LRRK2: variants seen among roughly 807,000 people sequenced by gnomAD.
LRRK2 encodes the protein leucine-rich repeat serine/threonine-protein kinase 2.
LRRK2 carries 203 observed loss-of-function variants against 302.6 expected under a neutral mutation model. The observed-to-expected ratio is 0.67, with a 90% CI of 0.60 to 0.75. The LOEUF (loss-of-function observed/expected upper bound fraction) is 0.75, where lower values mean the gene tolerates loss of function less well. Among genes scored for constraint, LRRK2 ranks in the 30% least tolerant of loss-of-function variants. LRRK2 has a pLI of 0.00. For missense variants in LRRK2, 2,830 were observed against 2,951.0 expected, an observed-to-expected ratio of 0.96 and a Z score of 0.95; for synonymous variants, 1,066 against 1,031.9, an observed-to-expected ratio of 1.03 and a Z score of -0.63.
At chr12:40,301,300 T>C (rs1592253341) in intron 25 of LRRK2, among the ~76,000 whole-genome samples, 2 of 152,258 alleles carry the variant, frequency 1.3e-5, no homozygotes, top group South Asian at 4.1e-4. Flanking sequence ...GGCGTGTGAC[T>C]ATAATCCCAG....
At chr12:40,288,791 CT>C (rs1346316815) in intron 20 of LRRK2, among the ~76,000 whole-genome samples, 1 of 151,680 alleles carries the variant, frequency 6.6e-6, no homozygotes, top group African/African-American at 2.4e-5. Flanking sequence ...TATAAGAGTT[CT>C]TTGTATATTC....
chr12:40,359,531 T>C, intron 47 of LRRK2, 87 bp downstream of exon 47: 6 of 1,055,978 alleles, frequency 5.7e-6, no homozygotes, highest in South Asian at 3.0e-5. Flanking sequence ...TGATAATTCA[T>C]AAGGAAGATC....
At chr12:40,328,564 C>T in intron 39 of LRRK2, 104 bp downstream of exon 39, 1 of 850,412 alleles carries the variant, frequency 1.2e-6, no homozygotes, top group Non-Finnish European at 1.8e-6. Context: ...GACCACATTT[C>T]TACTTAAGTT....
At chr12:40,343,462 A>T (rs1043356824) in intron 41 of LRRK2, among the ~76,000 whole-genome samples, 3 of 152,230 alleles carry the variant, frequency 2.0e-5, no homozygotes, top group Non-Finnish European at 4.4e-5. Context: ...TGAATATCTG[A>T]TGGAGATTAT....
chr12:40,328,279 A>G lies in LRRK2; in HGVS notation c.5657-81A>G, dbSNP rs112543959. 1,531 of 1,064,866 alleles carry G rather than the reference A, an allele frequency of 1.4e-3. 23 individuals carry two copies. The African/African-American group carries it at 0.022, about 15-fold the overall frequency. 66.0% of individuals were successfully genotyped at this position (1,064,866 alleles called of 1,614,324 possible). ...GTTTCTATTCAAATTTACAACAGATATAATTACAACAGATATAATTTATTT... is the reference window on the plus strand; with the variant it reads ...GTTTCTATTCAAATTTACAACAGATGTAATTACAACAGATATAATTTATTT... On this transcript the variant is annotated intron_variant, in intron 38 of 50. Transcript: ENST00000298910.
chr12:40,294,928 T>C lies in LRRK2; in HGVS notation c.2878+14T>C, dbSNP rs1944322347. The C allele has an allele frequency of 2.8e-6, 4 of 1,434,776 alleles. No individual in the cohort carries two copies. Among genetic ancestry groups the C allele is most frequent in the Non-Finnish European group, 3.9e-6 (4 of 1,023,120 alleles). The allele number at this position is 1,434,776 out of a possible 1,614,324, so 88.9% of individuals were successfully genotyped here. A position where few individuals can be genotyped will look rare whatever the true frequency, so the allele number is the denominator to read the frequency against. ...ATGATTCACTCAGTAAGTATTTGGA[T>C]GTAATCATAAGTAAATAGATATTTT... On this transcript the variant is annotated intron_variant, in intron 22 of 50. Coordinates refer to ENST00000298910, the MANE Select transcript of LRRK2 (RefSeq NM_198578.4).
rs764853215 is a variant in LRRK2 at position 40,354,381 on chromosome 12, A to G, written c.6659A>G (p.Gln2220Arg). The G allele has an allele frequency of 1.2e-6, 2 of 1,614,136 alleles. No homozygotes were observed. Among genetic ancestry groups the G allele is most frequent in the South Asian group, 2.2e-5 (2 of 91,084 alleles). Reference sequence around the variant, plus strand: ...GAAAGCTGGATTGTGTCTGGGACACAGTCTGGTACTCTCCTGGTCATCAAT... The same window carrying G: ...GAAAGCTGGATTGTGTCTGGGACACGGTCTGGTACTCTCCTGGTCATCAAT... ...EKESWIVSGT[Q>R]SGTLLVINTE... The change falls in exon 45 of 51, where the codon CAG becomes CGG. Residue 2220 changes from glutamine to arginine, a missense_variant. By Grantham distance (43) the Gln-to-Arg change is conservative. This residue lies in a region of LRRK2 where 456 missense variants were observed against 456.3 expected (regional missense o/e 1.00). Transcript: ENST00000298910.
At chr12:40,235,936 A>G (rs575045385) in intron 4 of LRRK2, among the ~76,000 whole-genome samples, 8 of 151,580 alleles carry the variant, frequency 5.3e-5, no homozygotes, top group Admixed American at 3.9e-4. Flanking sequence ...TTCTGTTTCC[A>G]TCTCTTCTCC....
chr12:40,323,918 C>T (rs1191450981), intron 38 of LRRK2, among the ~76,000 whole-genome samples: 1 of 151,496 alleles, frequency 6.6e-6, no homozygotes, highest in Non-Finnish European at 1.5e-5. Flanking sequence ...TTTAGGTGCT[C>T]ATTGAGAAAA....
chr12:40,299,037 T>G, intron 24 of LRRK2, 72 bp from the exon 25 acceptor site: 1 of 1,501,006 alleles, frequency 6.7e-7, no homozygotes, highest in Non-Finnish European at 9.2e-7. Flanking sequence ...GAAAGCAAAT[T>G]GTTTTTGATA....
chr12:40,354,429 A>G lies in LRRK2; in HGVS notation c.6707A>G (p.His2236Arg), dbSNP rs1406631615. The G allele has an allele frequency of 1.6e-5, 26 of 1,614,182 alleles. No homozygotes were observed. The highest frequency in any genetic ancestry group is 2.2e-5 in the Non-Finnish European group (26 of 1,180,002). The part of the protein sequence containing the change: ...VINTEDGKKR[H>R]TLEKMTDSVT... ...AATACCGAAGATGGGAAAAAGAGAC[A>G]TACCCTAGAAAAGATGACTGATTCT... Residue 2236 changes from histidine to arginine, a missense_variant, in exon 45 of 51, where the codon CAT becomes CGT. By Grantham distance (29) the His-to-Arg change is conservative (BLOSUM62 0). Around this residue, in one of 3 missense-constraint regions of LRRK2, gnomAD observed 456 missense variants for 456.3 expected, o/e 1.00. Coordinates refer to ENST00000298910, the MANE Select transcript of LRRK2 (RefSeq NM_198578.4).
chr12:40,295,296 A>G (rs928233949), intron 22 of LRRK2, 131 bp from the exon 23 acceptor site: 118 of 771,438 alleles, frequency 1.5e-4, no homozygotes, highest in Non-Finnish European at 2.3e-4. Context: ...TAAACTCCAT[A>G]GTTTGGTTTT....
At chr12:40,270,744 A>G (rs1943197201) in intron 14 of LRRK2, among the ~76,000 whole-genome samples, 1 of 152,236 alleles carries the variant, frequency 6.6e-6, no homozygotes, top group African/African-American at 2.4e-5. Context: ...CTAGCTATAC[A>G]TTCAACTTTT....
At chr12:40,353,246 GGGGCTCCTCACTTCTCAGA>G (rs1946419387) in intron 44 of LRRK2, among the ~76,000 whole-genome samples, 1 of 137,180 alleles carries the variant, frequency 7.3e-6, no homozygotes, top group Non-Finnish European at 1.6e-5. Flanking sequence ...GCCAGGCAAA[GGGGCTCCTCACTTCTCAGA>G]CGGGGCGGCT....
In LRRK2 at chr12:40,367,845, AAAGG is replaced by A; in HGVS notation, c.*81_*84del. On this transcript the variant is annotated 3_prime_UTR_variant, in exon 51 of 51. Coordinates refer to ENST00000298910, the MANE Select transcript of LRRK2 (RefSeq NM_198578.4). The stretch of plus-strand genomic sequence containing the variant: ...ATTTATTTTAAAAATGTTCACATGG[AAAGG>A]GTACTCACATTTTTTGAAATAGCTC... 7.0e-7 allele frequency: 1 copy of A among 1,423,946 alleles called. No individual in the cohort carries two copies. Among genetic ancestry groups the A allele is most frequent in the South Asian group, 1.3e-5 (1 of 75,314 alleles). The allele number at this position is 1,423,946 out of a possible 1,614,324, so 88.2% of individuals were successfully genotyped here.
At chr12:40,298,874 C>T (rs59721323) in intron 24 of LRRK2, among the ~76,000 whole-genome samples, 473 of 7,422 alleles carry the variant, frequency 0.064, 4 homozygotes, top group Middle Eastern at 0.25. Flanking sequence ...TATATATATA[C>T]TATATATAAT....
Position 40,283,877 on chromosome 12 carries a change from A to T in LRRK2, c.2244A>T (p.Val748=), listed in dbSNP as rs758397652. 1.2e-6 allele frequency: 2 copies of T among 1,611,276 alleles called. No individual in the cohort carries two copies. The part of the protein sequence containing the change: ...AKEGSSLICQ[V]CEKESSPKLV... Reference sequence around the variant, plus strand: ...ACTTAATTTTTTTTCTTTAATAGGTATGTGAGAAAGAGAGCAGTCCCAAAT... The same window carrying T: ...ACTTAATTTTTTTTCTTTAATAGGTTTGTGAGAAAGAGAGCAGTCCCAAAT... Residue 748 remains valine (V), a splice_region_variant and synonymous_variant, in exon 19 of 51, where the codon GTA becomes GTT. Coordinates refer to ENST00000298910, the MANE Select transcript of LRRK2 (RefSeq NM_198578.4).
chr12:40,276,419 C>T (rs1352594058), intron 16 of LRRK2, among the ~76,000 whole-genome samples: 1 of 152,102 alleles, frequency 6.6e-6, no homozygotes, highest in African/African-American at 2.4e-5. Context: ...CCTCAGCCTC[C>T]CTAGTAGCTA....
At chr12:40,250,068 C>CATTTTCCAGTAGAGG in intron 8 of LRRK2, 123 bp downstream of exon 8, 1 of 1,191,548 alleles carries the variant, frequency 8.4e-7, no homozygotes, top group Non-Finnish European at 1.2e-6. Context: ...CTGTGTAGCT[C>CATTTTCCAGTAGAGG]ATTTTCCAGT....
Sources: gnomAD v4.1 joint callset for allele counts (sites outside exome capture counted in the v4.1 genomes callset) on GRCh38, gnomAD v4.1.1 for gene constraint, gnomAD v4.1.1 regional missense constraint, MANE v1.5 for transcripts, NCBI Gene and HGNC (gene_info 2026-07-23, HGNC 2026-07-21) for gene names.